The following LCLAT1 variants were observed in gnomAD, a reference collection of about 807,000 sequenced individuals.
LCLAT1 encodes lysocardiolipin acyltransferase 1.
In LCLAT1, 11 loss-of-function variants were observed where a neutral mutation model predicts 30.7. The observed-to-expected ratio is 0.36, with a 90% CI of 0.23 to 0.59. LCLAT1 has a LOEUF of 0.59. Ranked by LOEUF, LCLAT1 falls within the 20% of genes least tolerant of loss-of-function variation. The pLI, the probability that LCLAT1 is intolerant of heterozygous loss-of-function variation, is 0.77. For missense variants in LCLAT1, 402 were observed against 458.6 expected (o/e 0.88, Z 1.13); for synonymous variants, 155 against 151.3 (o/e 1.02, Z -0.18).
rs147158683 is a variant in LCLAT1, at chr2:30,559,007, C to T, written c.365-3139C>T. ...AGTGGTATATTTATATAATTGACAC[C>T]AGCAGTTACATTGATACTGGCATTG... On this transcript the variant is annotated intron_variant, in intron 3 of 5. Transcript: ENST00000379509. Among the ~76,000 whole-genome samples, 49 of 152,096 alleles carry T rather than the reference C, an allele frequency of 3.2e-4. No homozygotes were observed. The East Asian group carries it at 8.3e-3, about 26-fold the overall frequency.
At chr2:30,568,637 A>T (rs1384530471) in intron 5 of LCLAT1, among the ~76,000 whole-genome samples, 1 of 149,150 alleles carries the variant, frequency 6.7e-6, no homozygotes, top group African/African-American at 2.5e-5. Flanking sequence ...CCTCCCAAGT[A>T]GCTGGGACTA....
intron 5 of LCLAT1, among the ~76,000 whole-genome samples, chr2:30,593,825 AAGC>A (rs1361087693): frequency 6.6e-6 from 1 of 151,922 alleles, no homozygotes; most frequent in Non-Finnish European, 1.5e-5. Context: ...TGGGAGGCTG[AAGC>A]AGGAGGATTG....
chr2:30,593,429 A>G (rs1279446427), intron 5 of LCLAT1, among the ~76,000 whole-genome samples: 1 of 152,188 alleles, frequency 6.6e-6, no homozygotes, highest in African/African-American at 2.4e-5. Flanking sequence ...TTCTAGCAGT[A>G]CCATGTTGTT....
intron 4 of LCLAT1, among the ~76,000 whole-genome samples, chr2:30,566,069 G>C (rs1432388294): frequency 6.6e-6 from 1 of 152,176 alleles, no homozygotes; most frequent in African/African-American, 2.4e-5. Flanking sequence ...ACAGGAGGCT[G>C]TGGTCAGAAA....
At chr2:30,601,919 TAAAAACTTCA>T (rs553844153) in intron 5 of LCLAT1, among the ~76,000 whole-genome samples, 2,843 of 151,580 alleles carry the variant, frequency 0.019, 89 homozygotes, top group African/African-American at 0.066. Context: ...TGTTAAACTA[TAAAAACTTCA>T]AAACAGTCCA....
At chr2:30,589,476 AAGG>A (rs1371063577) in intron 5 of LCLAT1, among the ~76,000 whole-genome samples, 1 of 152,124 alleles carries the variant, frequency 6.6e-6, no homozygotes, top group Non-Finnish European at 1.5e-5. Flanking sequence ...AAAAAAAAAA[AAGG>A]AGAGAAACAG....
rs1022813079 is a variant in LCLAT1 at position 30,640,894 on chromosome 2, G to A, written c.*275G>A. On this transcript the variant is annotated 3_prime_UTR_variant, in exon 6 of 6. Transcript: ENST00000379509. ...ATTAAACAATCATCAGGCTTTTAGC[G>A]ACAAGGAACACACACATTTTTCTTA... The A allele has an allele frequency of 8.9e-6, 3 of 337,798 alleles. No individual in the cohort carries two copies. The highest frequency in any genetic ancestry group is 3.3e-5 in the South Asian group (1 of 29,990). The allele number at this position is 337,798 out of a possible 1,614,324, so 20.9% of individuals were successfully genotyped here.
At position 30,610,169 on chromosome 2, in the gene LCLAT1, G is replaced by A. The variant is rs988691071; in HGVS notation, c.629-29948G>A. 5.3e-5 allele frequency among the ~76,000 whole-genome samples: 8 copies of A among 151,324 alleles called. No homozygotes were observed. In the South Asian group the frequency reaches 6.2e-4, roughly 12 times the overall value. ...AAGGTTTTAGTTTACTAATTTTTTC[G>A]TTCCTTCTTTAGTAATTGCATTTTT... On this transcript the variant is annotated intron_variant, in intron 5 of 5. Coordinates refer to ENST00000379509, the MANE Select transcript of LCLAT1 (RefSeq NM_001002257.3).
At chr2:30,586,275 T>G (rs1444838150) in intron 5 of LCLAT1, among the ~76,000 whole-genome samples, 2 of 150,520 alleles carry the variant, frequency 1.3e-5, no homozygotes. Context: ...CAGTAGGAAT[T>G]TATTCTCTCA....
At chr2:30,457,799 C>T (rs190024202) in intron 1 of LCLAT1, among the ~76,000 whole-genome samples, 372 of 152,198 alleles carry the variant, frequency 2.4e-3, no homozygotes, top group Non-Finnish European at 3.5e-3. Context: ...AGTTTGAATC[C>T]CATTTACTGT....
At chr2:30,536,882 G>A (rs1410077911) in intron 3 of LCLAT1, among the ~76,000 whole-genome samples, 1 of 152,164 alleles carries the variant, frequency 6.6e-6, no homozygotes, top group Non-Finnish European at 1.5e-5. Context: ...TGAATGTAAA[G>A]CATTTAAATT....
chr2:30,559,723 G>A (rs1356825779), intron 3 of LCLAT1, among the ~76,000 whole-genome samples: 2 of 152,096 alleles, frequency 1.3e-5, no homozygotes, highest in Non-Finnish European at 2.9e-5. Context: ...CAAAAACATT[G>A]TATAATCTCT....
At chr2:30,602,612 CA>C (rs1327313862) in intron 5 of LCLAT1, among the ~76,000 whole-genome samples, 1 of 152,090 alleles carries the variant, frequency 6.6e-6, no homozygotes, top group Non-Finnish European at 1.5e-5. Flanking sequence ...TCATTTCTTT[CA>C]AGTTTTTCAC....
In LCLAT1 at chr2:30,507,082, A is replaced by G. The variant is rs370425673; in HGVS notation, c.-4-18505A>G. 1.4e-4 allele frequency among the ~76,000 whole-genome samples: 22 copies of G among 152,268 alleles called. No homozygotes were observed. The East Asian group carries it at 3.3e-3, about 23-fold the overall frequency. ...TAATTGTAATAATGACTGTTATTGT[A>G]TATGCATATACTATATATGCAATAA... On this transcript the variant is annotated intron_variant, in intron 1 of 5. Coordinates refer to ENST00000379509, the MANE Select transcript of LCLAT1 (RefSeq NM_001002257.3).
intron 3 of LCLAT1, among the ~76,000 whole-genome samples, chr2:30,536,955 T>G (rs1096110): frequency 0.59 from 89,954 of 152,080 alleles, 27,893 homozygotes; most frequent in Non-Finnish European, 0.69. Context: ...AGGACCCAAC[T>G]ATATGCTGCC....
intron 5 of LCLAT1, among the ~76,000 whole-genome samples, chr2:30,620,594 CCTT>C (rs1480110538): frequency 1.3e-5 from 2 of 152,144 alleles, no homozygotes; most frequent in African/African-American, 2.4e-5. Flanking sequence ...GATCATGCTT[CCTT>C]CTTCTCAAAA....
At chr2:30,469,653 A>C (rs1448024837) in intron 1 of LCLAT1, among the ~76,000 whole-genome samples, 1 of 142,318 alleles carries the variant, frequency 7.0e-6, no homozygotes, top group Non-Finnish European at 1.5e-5. Context: ...ATCTGGACTC[A>C]CTACAACCTC....
rs1404103788 is a variant in LCLAT1 at position 30,529,909 on chromosome 2, C to T, written c.166-3207C>T. Among the ~76,000 whole-genome samples, 3 of 152,142 alleles carry T rather than the reference C, an allele frequency of 2.0e-5. No individual in the cohort carries two copies. In the South Asian group the frequency reaches 6.2e-4, roughly 31 times the overall value. ...CAGACATGGAGATGAGTTGTTATTACCTCAGACTAAGTAAAGATCCATCAG... is the reference window on the plus strand; with the variant it reads ...CAGACATGGAGATGAGTTGTTATTATCTCAGACTAAGTAAAGATCCATCAG... On this transcript the variant is annotated intron_variant, in intron 2 of 5. Coordinates refer to ENST00000379509, the MANE Select transcript of LCLAT1 (RefSeq NM_001002257.3).
intron 5 of LCLAT1, among the ~76,000 whole-genome samples, chr2:30,608,319 A>G (rs1402627225): frequency 5.3e-5 from 8 of 151,762 alleles, no homozygotes; most frequent in Non-Finnish European, 1.0e-4. Context: ...AAAAAAATTT[A>G]TAAGTTTAGA....
Sources: gnomAD v4.1 joint callset for allele counts (sites outside exome capture counted in the v4.1 genomes callset) on GRCh38, gnomAD v4.1.1 for gene constraint, MANE v1.5 for transcripts, NCBI Gene and HGNC (gene_info 2026-07-23, HGNC 2026-07-21) for gene names.